CBFA2T3: variants seen among roughly 807,000 people sequenced by gnomAD.
The protein encoded by CBFA2T3 is CBFA2/RUNX1 partner transcriptional co-repressor 3, also known as transcriptional corepressor CBFA2T3.
A neutral mutation model predicts 58.6 loss-of-function variants in CBFA2T3; 31 were observed. That is an observed-to-expected ratio of 0.53 (90% CI 0.40 to 0.71). CBFA2T3 has a LOEUF of 0.71. Ranked by LOEUF, CBFA2T3 falls within the 30% of genes least tolerant of loss-of-function variation. The probability of loss-of-function intolerance (pLI) is 0.00; values close to 1 mark genes in which losing one functional copy is unlikely to be tolerated. For missense variants in CBFA2T3, 1,076 were observed against 963.1 expected, an observed-to-expected ratio of 1.12 and a Z score of -1.55; for synonymous variants, 531 against 421.9, an observed-to-expected ratio of 1.26 and a Z score of -3.17.
At chr16:88,968,039 A>G (rs1972558037) in intron 1 of CBFA2T3, among the ~76,000 whole-genome samples, 1 of 152,234 alleles carries the variant, frequency 6.6e-6, no homozygotes, top group Non-Finnish European at 1.5e-5. Flanking sequence ...AAAGTGACTG[A>G]AATTCTGTGG....
chr16:88,881,514 A>G, intron 8 of CBFA2T3, 25 bp from the exon 9 acceptor site: 3 of 1,591,722 alleles, frequency 1.9e-6, no homozygotes, highest in South Asian at 1.1e-5. Flanking sequence ...CGCAGCCTTC[A>G]GCACCTCAGA....
At position 88,902,553 on chromosome 16, in the gene CBFA2T3, C is replaced by T. The variant is rs538293751; in HGVS notation, c.152-897G>A. The T allele has an allele frequency of 2.0e-5, 3 of 152,368 alleles. No homozygotes were observed. The East Asian group carries it at 5.8e-4, about 29-fold the overall frequency. 9.4% of individuals were successfully genotyped at this position (152,368 alleles called of 1,614,324 possible). A position where few individuals can be genotyped will look rare whatever the true frequency, so the allele number is the denominator to read the frequency against. On this transcript the variant is annotated intron_variant, in intron 1 of 11. Coordinates refer to ENST00000268679, the MANE Select transcript of CBFA2T3 (RefSeq NM_005187.6). ...GGGGCACGGAGCCCCCTTGTGCCAC[C>T]CAGAGAGCAGGACCTGCAGACAAGG... is the stretch of plus-strand genomic sequence containing the variant.
At chr16:88,882,648 G>C (rs1296182818) in intron 8 of CBFA2T3, 28 bp downstream of exon 8, 1 of 1,469,270 alleles carries the variant, frequency 6.8e-7, no homozygotes. Flanking sequence ...GCATGGCTGT[G>C]TGGGCGTGGC....
chr16:88,909,597 C>CA (rs1168026369), intron 1 of CBFA2T3, among the ~76,000 whole-genome samples: 48,907 of 151,422 alleles, frequency 0.32, 7,996 homozygotes, highest in Middle Eastern at 0.4. Context: ...GGACGGAGGA[C>CA]GCCACTGCTT....
chr16:88,929,691 TGCGTGGTCCACGCAAAAACTACCAATAC>T (rs1971214698), intron 1 of CBFA2T3, among the ~76,000 whole-genome samples: 3 of 146,492 alleles, frequency 2.0e-5, no homozygotes, highest in Non-Finnish European at 4.5e-5. Context: ...TACCCACAGC[TGCGTGGTCCACGCAAAAACTACCAATAC>T]CCACAGCTGC....
At chr16:88,887,995 T>C (rs1028519536) in intron 5 of CBFA2T3, among the ~76,000 whole-genome samples, 8 of 152,184 alleles carry the variant, frequency 5.3e-5, no homozygotes, top group Non-Finnish European at 1.2e-4. Flanking sequence ...AGAGGGGCTG[T>C]GGCCTTGGGC....
intron 3 of CBFA2T3, among the ~76,000 whole-genome samples, chr16:88,894,573 CACACATGCATACATAT>C (rs1329775208): frequency 3.3e-5 from 5 of 149,742 alleles, no homozygotes; most frequent in Non-Finnish European, 7.4e-5. Context: ...CACATGCACA[CACACATGCATACATAT>C]ACACATGCAC....
chr16:88,952,435 G>A (rs1972098077), intron 1 of CBFA2T3, among the ~76,000 whole-genome samples: 2 of 151,440 alleles, frequency 1.3e-5, no homozygotes. Context: ...GCTTTCAGCA[G>A]GACAAATGCC....
rs1303867224 is a variant in CBFA2T3 at position 88,885,599 on chromosome 16, G to A, written c.894-330C>T. 5 of 404,114 alleles carry A rather than the reference G, an allele frequency of 1.2e-5. No individual in the cohort carries two copies. Among genetic ancestry groups the A allele is most frequent in the African/African-American group, 4.1e-5 (2 of 48,360 alleles). 25.0% of individuals were successfully genotyped at this position (404,114 alleles called of 1,614,324 possible). A position where few individuals can be genotyped will look rare whatever the true frequency, so the allele number is the denominator to read the frequency against. ...TAACTGGAGACCACCTGCCCCTTGG[G>A]CAGCAGCAGCACAAGAGCGTCTGGG... On this transcript the variant is annotated intron_variant, in intron 6 of 11. Coordinates refer to ENST00000268679, the MANE Select transcript of CBFA2T3 (RefSeq NM_005187.6). The surrounding 1 kb of genome is among the most constrained non-coding windows in gnomAD (Gnocchi z 5.3).
At chr16:88,894,734 G>C (rs76421010) in intron 3 of CBFA2T3, among the ~76,000 whole-genome samples, 1 of 151,898 alleles carries the variant, frequency 6.6e-6, no homozygotes, top group African/African-American at 2.4e-5. Context: ...GTCTACGGGT[G>C]GGGGGCAGCT....
At position 88,976,696 on chromosome 16, in the gene CBFA2T3, C is replaced by A. The variant is rs374995318; in HGVS notation, c.112G>T (p.Gly38Cys). The change falls in exon 1 of 12, where the codon GGC (glycine) becomes TGC (cysteine). Residue 38 changes from glycine (G) to cysteine (C), a missense_variant. Gly to Cys is a radical substitution (Grantham distance 159). Coordinates refer to ENST00000268679, the MANE Select transcript of CBFA2T3 (RefSeq NM_005187.6). ...CTGGGACCCCGGGGTGCGGAGCAGC[C>A]GGCAGATGCCAGGAGGCCGCTCTCC... The part of the protein sequence containing the change: ...VLESGLLASA[G>C]CSAPRGPRKG... The A allele has an allele frequency of 7.0e-6, 11 of 1,561,190 alleles. No homozygotes were observed. Among genetic ancestry groups the A allele is most frequent in the East Asian group, 2.4e-5 (1 of 41,836 alleles).
At chr16:88,903,663 GGGGGGGGCGTTCCT>G (rs1462502438) in intron 1 of CBFA2T3, among the ~76,000 whole-genome samples, 2 of 137,288 alleles carry the variant, frequency 1.5e-5, no homozygotes, top group African/African-American at 5.4e-5. Flanking sequence ...CCCGGCTGGG[GGGGGGGGCGTTCCT>G]GGGGGGGCAT....
In CBFA2T3 at chr16:88,893,828, G is replaced by A. The variant is rs375848475; in HGVS notation, c.380-1343C>T. Among the ~76,000 whole-genome samples the A allele has an allele frequency of 1.5e-4, 23 of 152,272 alleles. 1 individual carries two copies. In the East Asian group the frequency reaches 3.5e-3, roughly 23 times the overall value. ...CCAAGCCTCTTGCAAGGCGGCCAGC[G>A]CACCCCTCCTGCGCCTGGGACACCC... On this transcript the variant is annotated intron_variant, in intron 3 of 11. Coordinates refer to ENST00000268679, the MANE Select transcript of CBFA2T3 (RefSeq NM_005187.6).
At chr16:88,971,010 G>A (rs1347181416) in intron 1 of CBFA2T3, among the ~76,000 whole-genome samples, 1 of 152,140 alleles carries the variant, frequency 6.6e-6, no homozygotes, top group Admixed American at 6.5e-5. Context: ...CAGGCAGCCG[G>A]GGCTGTGAGT....
At chr16:88,974,563 C>G (rs1280328308) in intron 1 of CBFA2T3, among the ~76,000 whole-genome samples, 2 of 152,214 alleles carry the variant, frequency 1.3e-5, no homozygotes, top group Non-Finnish European at 2.9e-5. Context: ...CACAGCCCTG[C>G]TCAGTACGCC....
chr16:88,975,206 C>G (rs1437517250), intron 1 of CBFA2T3, among the ~76,000 whole-genome samples: 2 of 109,108 alleles, frequency 1.8e-5, no homozygotes, highest in Admixed American at 1.8e-4. Flanking sequence ...GAGGTCCACC[C>G]TGACCCTCTG....
chr16:88,939,345 C>G (rs1231344181), intron 1 of CBFA2T3: 1 of 152,324 alleles, frequency 6.6e-6, no homozygotes, highest in African/African-American at 2.4e-5. Flanking sequence ...AACTTCCCTT[C>G]TCCCCTGTCA....
chr16:88,882,319 G>A (rs938574964), intron 8 of CBFA2T3, among the ~76,000 whole-genome samples: 3 of 152,042 alleles, frequency 2.0e-5, no homozygotes, highest in Non-Finnish European at 4.4e-5. Flanking sequence ...TGGCTGTGTG[G>A]GTGTAGCTGT....
At chr16:88,892,722 T>G (rs1216224063) in intron 3 of CBFA2T3, among the ~76,000 whole-genome samples, 1 of 152,054 alleles carries the variant, frequency 6.6e-6, no homozygotes, top group Non-Finnish European at 1.5e-5. Flanking sequence ...CTCTGAGAGG[T>G]CACACACACC....
Sources: gnomAD v4.1 joint callset for allele counts (sites outside exome capture counted in the v4.1 genomes callset) on GRCh38, gnomAD v4.1.1 for gene constraint, Gnocchi (gnomAD v3.1) non-coding constraint, MANE v1.5 for transcripts, NCBI Gene and HGNC (gene_info 2026-07-23, HGNC 2026-07-21) for gene names.